FAAH2: variants seen among roughly 807,000 people sequenced by gnomAD.
The protein encoded by FAAH2 is fatty-acid amide hydrolase 2.
FAAH2 carries 60 observed loss-of-function variants against 36.9 expected under a neutral mutation model. The ratio of observed to expected loss-of-function variants is 1.63; its 90% CI spans 1.32 to 2.02. The LOEUF (loss-of-function observed/expected upper bound fraction) is 2.02, where lower values mean the gene tolerates loss of function less well. FAAH2 is among the 30% of genes most tolerant of loss of function. The pLI, the probability that FAAH2 is intolerant of heterozygous loss-of-function variation, is 0.00. For synonymous variants in FAAH2, 214 were observed against 143.8 expected (o/e 1.49, Z -3.49); for missense variants, 689 against 397.5 (o/e 1.73, Z -6.23).
At chrX:57,484,701 C>A (rs1273164248) in intron 10 of FAAH2, among the ~76,000 whole-genome samples, 2 of 111,398 alleles carry the variant, frequency 1.8e-5, no homozygotes, top group African/African-American at 6.5e-5. Context: ...TGCCTTTCAG[C>A]CCATGTGGTG....
At chrX:57,189,694 T>G in the FAAH2 span, among the ~76,000 whole-genome samples, 1 of 111,547 alleles carries the variant, frequency 9.0e-6, no homozygotes, top group African/African-American at 3.3e-5. Context: ...CAGACCCTAT[T>G]TGTTTGGGTA....
At chrX:57,237,160 G>A in the FAAH2 span, among the ~76,000 whole-genome samples, 4 of 111,191 alleles carry the variant, frequency 3.6e-5, no homozygotes, top group African/African-American at 1.3e-4. Flanking sequence ...AAAAATATGT[G>A]ACCATAAGTG....
the FAAH2 span, among the ~76,000 whole-genome samples, chrX:57,232,117 G>A: frequency 8.0e-4 from 89 of 111,870 alleles, no homozygotes; most frequent in Non-Finnish European, 1.3e-3. Context: ...TATAGATGGA[G>A]GGATGAAGGA....
In FAAH2 at chrX:57,331,718, A is replaced by G. The variant is rs759597487; in HGVS notation, c.533A>G (p.Glu178Gly). The G allele has an allele frequency of 8.9e-5, 108 of 1,209,437 alleles. No individual in the cohort carries two copies. The highest frequency in any genetic ancestry group is 1.2e-4 in the Non-Finnish European group (107 of 895,022). Residue 178 changes from glutamate to glycine, a missense_variant, in exon 4 of 11, where the codon GAG becomes GGG. By Grantham distance (98) the Glu-to-Gly change is moderately conservative (BLOSUM62 -2). Coordinates refer to ENST00000374900, the MANE Select transcript of FAAH2 (RefSeq NM_174912.4). Reference sequence around the variant, plus strand: ...CCTCTTGGCATAACCAACTGTAGTGAGTTGTGTATGTGGTATGAATCCAGT... The same window carrying G: ...CCTCTTGGCATAACCAACTGTAGTGGGTTGTGTATGTGGTATGAATCCAGT... The part of the protein sequence containing the change: ...AIPLGITNCS[E>G]LCMWYESSNK...
the FAAH2 span, among the ~76,000 whole-genome samples, chrX:57,178,534 G>A: frequency 2.7e-5 from 3 of 111,242 alleles, no homozygotes; most frequent in African/African-American, 6.5e-5. Context: ...TGTGCTTTGT[G>A]TTATACTACC....
intron 7 of FAAH2, among the ~76,000 whole-genome samples, chrX:57,423,758 C>T (rs1385670801): frequency 9.0e-6 from 1 of 111,256 alleles, no homozygotes; most frequent in African/African-American, 3.3e-5. Context: ...CTAGCCCAGT[C>T]CCACTCAGCT....
At chrX:57,332,076 G>A (rs1041032949) in intron 4 of FAAH2, among the ~76,000 whole-genome samples, 1 of 111,817 alleles carries the variant, frequency 8.9e-6, no homozygotes, top group African/African-American at 3.2e-5. Flanking sequence ...ATCGTAAAGT[G>A]TTTAGAGACT....
At chrX:57,389,446 A>G (rs2055111334) in intron 7 of FAAH2, among the ~76,000 whole-genome samples, 1 of 108,328 alleles carries the variant, frequency 9.2e-6, no homozygotes, top group South Asian at 4.0e-4. Flanking sequence ...ACTTTTTTAG[A>G]TTACATAAAT....
chrX:57,236,202 C>A, the FAAH2 span, among the ~76,000 whole-genome samples: 4 of 112,295 alleles, frequency 3.6e-5, no homozygotes, highest in South Asian at 1.5e-3. Flanking sequence ...GAATAGCATA[C>A]CACTGTGTAT....
intron 2 of FAAH2, among the ~76,000 whole-genome samples, chrX:57,307,841 G>T (rs975332794): frequency 1.8e-5 from 2 of 110,091 alleles, no homozygotes; most frequent in Admixed American, 9.8e-5. Flanking sequence ...CTTTATGGCC[G>T]TGAGCATCCA....
the FAAH2 span, among the ~76,000 whole-genome samples, chrX:57,189,965 C>G: frequency 8.9e-6 from 1 of 112,312 alleles, no homozygotes; most frequent in Middle Eastern, 4.6e-3. Flanking sequence ...TCAGAGCTAG[C>G]ATGCAGGAAA....
the FAAH2 span, among the ~76,000 whole-genome samples, chrX:57,191,472 G>A: frequency 2.6e-3 from 289 of 110,722 alleles, 1 homozygote; most frequent in Non-Finnish European, 4.3e-3. Flanking sequence ...TTTCGCTGCT[G>A]TGCAGAAGCT....
intron 7 of FAAH2, among the ~76,000 whole-genome samples, chrX:57,404,903 A>G (rs1490888950): frequency 8.9e-6 from 1 of 112,070 alleles, no homozygotes; most frequent in Non-Finnish European, 1.9e-5. Context: ...CCGGGAGTTC[A>G]GGATGACAGC....
chrX:57,415,168 CAA>C (rs1164932078), intron 7 of FAAH2, among the ~76,000 whole-genome samples: 2 of 106,104 alleles, frequency 1.9e-5, no homozygotes, highest in African/African-American at 6.8e-5. Context: ...TAGATCTGTA[CAA>C]AAAAAAACAG....
chrX:57,200,031 T>C, the FAAH2 span, among the ~76,000 whole-genome samples: 1 of 111,871 alleles, frequency 8.9e-6, no homozygotes, highest in Non-Finnish European at 1.9e-5. Flanking sequence ...TTCTGTTTTG[T>C]TATCCCTTCA....
chrX:57,270,190 A>G, the FAAH2 span, among the ~76,000 whole-genome samples: 1 of 111,745 alleles, frequency 8.9e-6, no homozygotes, highest in Non-Finnish European at 1.9e-5. Context: ...TCCTGAACAG[A>G]CCAATAATGA....
Position 57,428,226 on chromosome X carries a change from T to C in FAAH2, c.997-3692T>C, listed in dbSNP as rs1008185540. 3.6e-5 allele frequency among the ~76,000 whole-genome samples: 4 copies of C among 111,824 alleles called. No individual in the cohort carries two copies. The Admixed American group carries it at 3.8e-4, about 11-fold the overall frequency. ...ACCTACAAGGAAAACTATCAAACAC[T>C]GATTAAAGGAATTTGAGATGACAAA... is the stretch of plus-strand genomic sequence containing the variant. On this transcript the variant is annotated intron_variant, in intron 7 of 10. Coordinates refer to ENST00000374900, the MANE Select transcript of FAAH2 (RefSeq NM_174912.4).
At chrX:57,269,759 C>T in the FAAH2 span, among the ~76,000 whole-genome samples, 87 of 110,636 alleles carry the variant, frequency 7.9e-4, 1 homozygote, top group East Asian at 0.021. Context: ...CACTAAATGC[C>T]CACAGAAAAA....
chrX:57,188,648 G>A, the FAAH2 span, among the ~76,000 whole-genome samples: 5 of 110,263 alleles, frequency 4.5e-5, no homozygotes, highest in African/African-American at 6.6e-5. Flanking sequence ...TTTGATGTTA[G>A]GATGTGAATT....
Sources: gnomAD v4.1 joint callset for allele counts (sites outside exome capture counted in the v4.1 genomes callset) on GRCh38, gnomAD v4.1.1 for gene constraint, MANE v1.5 for transcripts, NCBI Gene and HGNC (gene_info 2026-07-23, HGNC 2026-07-21) for gene names.